The following ETS2 variants were observed in gnomAD, a reference collection of about 807,000 sequenced individuals.
ETS2 encodes ETS proto-oncogene 2, transcription factor.
Under a neutral mutation model 54.9 loss-of-function variants are expected in ETS2, and 19 were observed. That is an observed-to-expected ratio of 0.35 (90% CI 0.24 to 0.51). The LOEUF is 0.51. Ranked by LOEUF, ETS2 falls within the 20% of genes least tolerant of loss-of-function variation. The pLI is 0.97. For missense variants in ETS2, 417 were observed against 593.0 expected, an observed-to-expected ratio of 0.70 and a Z score of 3.08; for synonymous variants, 219 against 229.3, an observed-to-expected ratio of 0.95 and a Z score of 0.41.
chr21:38,805,504 C>T (rs1295596875), upstream of ETS2: 3 of 1,287,848 alleles, frequency 2.3e-6, no homozygotes, highest in Non-Finnish European at 3.0e-6. This position sits in a 1 kb window ranked among gnomAD's most constrained non-coding sequence, Gnocchi z 5.2. Flanking sequence ...AAAGTCTCCG[C>T]CCGGCTCCCA....
Position 38,819,701 on chromosome 21 carries a change from A to G in ETS2, c.1010A>G (p.Glu337Gly). 1 of 1,614,116 alleles carries G rather than the reference A, an allele frequency of 6.2e-7. No individual in the cohort carries two copies. Among genetic ancestry groups the G allele is most frequent in the African/African-American group, 1.3e-5 (1 of 75,036 alleles). The change falls in exon 8 of 10, where the codon GAG (glutamate) becomes GGG (glycine). Residue 337 changes from glutamate to glycine, a missense_variant. By Grantham distance (98) the Glu-to-Gly change is moderately conservative. Around this residue, in one of 3 missense-constraint regions of ETS2, gnomAD observed 326 missense variants for 426.1 expected, o/e 0.76. Coordinates refer to ENST00000360938, the MANE Select transcript of ETS2 (RefSeq NM_005239.6). Reference sequence around the variant, plus strand: ...ATGTCTTTCAAGGATTACATCCAAGAGAGGAGTGACCCAGTGGAGCAAGGC... The same window carrying G: ...ATGTCTTTCAAGGATTACATCCAAGGGAGGAGTGACCCAGTGGAGCAAGGC... ...PTMSFKDYIQERSDPVEQGKP... is the reference protein window; with the variant it reads ...PTMSFKDYIQGRSDPVEQGKP...
rs2060961382 is a variant in ETS2, at chr21:38,822,312, T to C, written c.1195-362T>C. Among the ~76,000 whole-genome samples, 3 of 152,290 alleles carry C rather than the reference T, an allele frequency of 2.0e-5. No homozygotes were observed. In the South Asian group the frequency reaches 6.2e-4, roughly 32 times the overall value. ...TATATCACACAGCTCAGAATCCCAC[T>C]CGGCACCTGTTAACTTCAGTAGTTG... On this transcript the variant is annotated intron_variant, in intron 9 of 9. Coordinates refer to ENST00000360938, the MANE Select transcript of ETS2 (RefSeq NM_005239.6).
At chr21:38,819,133 A>G (rs2060946987) in intron 7 of ETS2, among the ~76,000 whole-genome samples, 1 of 152,120 alleles carries the variant, frequency 6.6e-6, no homozygotes, top group African/African-American at 2.4e-5. Context: ...ATTACGGATT[A>G]GGTTTTGATT....
intron 9 of ETS2, 103 bp from the exon 10 acceptor site, chr21:38,822,571 C>G (rs1476097132): frequency 9.5e-7 from 1 of 1,055,172 alleles, no homozygotes; most frequent in African/African-American, 1.6e-5. Context: ...CAAGTTCTCT[C>G]TAGAGTGAAC....
Position 38,813,028 on chromosome 21 carries a change from A to C in ETS2, c.98A>C (p.Asp33Ala). ...CGCCAGCCAGCCTTTGACACCTTTG[A>C]TGGGTCCCTGTTTGCTGTTTTTCCT... ...LKRQPAFDTF[D>A]GSLFAVFPSL... The change falls in exon 3 of 10, where the codon GAT becomes GCT. Residue 33 changes from aspartate to alanine, a missense_variant. Physicochemically the swap from Asp to Ala is moderately radical, Grantham distance 126 (BLOSUM62 -2). Transcript: ENST00000360938. 1 of 1,613,880 alleles carries C rather than the reference A, an allele frequency of 6.2e-7. No individual in the cohort carries two copies. Among genetic ancestry groups the C allele is most frequent in the Non-Finnish European group, 8.5e-7 (1 of 1,179,842 alleles).
intron 9 of ETS2, 137 bp from the exon 10 acceptor site, chr21:38,822,537 C>T: frequency 1.4e-6 from 1 of 706,682 alleles, no homozygotes; most frequent in Non-Finnish European, 2.3e-6. Context: ...TCAAAAGGTC[C>T]TCCTGCGGAC....
intron 3 of ETS2, 31 bp downstream of exon 3, chr21:38,813,145 G>A: frequency 7.2e-7 from 1 of 1,382,014 alleles, no homozygotes. Flanking sequence ...GACAAATTGT[G>A]CATGATTTTC....
chr21:38,810,875 T>C (rs1239618048), intron 2 of ETS2, among the ~76,000 whole-genome samples: 1 of 152,222 alleles, frequency 6.6e-6, no homozygotes, highest in African/African-American at 2.4e-5. Flanking sequence ...TATATCATTA[T>C]TGAGGTTATT....
chr21:38,819,362 A>G (rs1428286370), intron 7 of ETS2, 141 bp from the exon 8 acceptor site: 2 of 689,092 alleles, frequency 2.9e-6, no homozygotes, highest in Non-Finnish European at 5.1e-6. Context: ...GCACCTGAGT[A>G]GAGAGCATTT....
At chr21:38,813,143 G>C (rs1272763181) in intron 3 of ETS2, 29 bp downstream of exon 3, 1 of 1,400,156 alleles carries the variant, frequency 7.1e-7, no homozygotes. Context: ...TTGACAAATT[G>C]TGCATGATTT....
chr21:38,808,867 C>T (rs1337478905), intron 1 of ETS2, among the ~76,000 whole-genome samples: 1 of 152,230 alleles, frequency 6.6e-6, no homozygotes. Flanking sequence ...CCTTCAGTTC[C>T]ATAGCCATGA....
upstream of ETS2, chr21:38,805,772 T>C: frequency 1.4e-6 from 1 of 704,316 alleles, no homozygotes; most frequent in Non-Finnish European, 1.9e-6. This position sits in a 1 kb window ranked among gnomAD's most constrained non-coding sequence, Gnocchi z 5.2. Flanking sequence ...CCTGCCTACC[T>C]CCCTTCCCCT....
intron 2 of ETS2, among the ~76,000 whole-genome samples, chr21:38,812,294 A>C (rs2060916769): frequency 6.6e-6 from 1 of 152,146 alleles, no homozygotes; most frequent in Non-Finnish European, 1.5e-5. Flanking sequence ...TTTTTCTTAC[A>C]CACACAGCCT....
In ETS2 at chr21:38,809,785, A is replaced by G. The variant is rs983746171; in HGVS notation, c.1-250A>G. 4 of 355,262 alleles carry G rather than the reference A, an allele frequency of 1.1e-5. No homozygotes were observed. The South Asian group carries it at 1.5e-4, about 13-fold the overall frequency. 22.0% of individuals were successfully genotyped at this position (355,262 alleles called of 1,614,324 possible). On this transcript the variant is annotated intron_variant, in intron 1 of 9. Coordinates refer to ENST00000360938, the MANE Select transcript of ETS2 (RefSeq NM_005239.6). ...GCAAGTGACTTTTTCTGTGACATCT[A>G]AGTGGAATTCAGTGAGGAATCAGCA...
rs1304082779 is a variant in ETS2 at position 38,824,908 on chromosome 21, T to A, written c.*2019T>A. ...ACAGATCTTAAGTATAAAAATTTTG[T>A]AATTGGGCCTTTACTCTCTCAATAA... On this transcript the variant is annotated 3_prime_UTR_variant, in exon 10 of 10. Coordinates refer to ENST00000360938, the MANE Select transcript of ETS2 (RefSeq NM_005239.6). The A allele has an allele frequency of 6.6e-6, 1 of 152,630 alleles. No individual in the cohort carries two copies. The highest frequency in any genetic ancestry group is 1.5e-5 in the Non-Finnish European group (1 of 68,046). The allele number at this position is 152,630 out of a possible 1,614,324, so 9.5% of individuals were successfully genotyped here. A position where few individuals can be genotyped will look rare whatever the true frequency, so the allele number is the denominator to read the frequency against.
chr21:38,809,730 C>CAAGGGCTCTGA (rs2060906766), intron 1 of ETS2: 2 of 279,884 alleles, frequency 7.1e-6, no homozygotes, highest in African/African-American at 2.3e-5. Flanking sequence ...GCCCTGCTAA[C>CAAGGGCTCTGA]CCAGCAAGGA....
chr21:38,809,650 T>C, intron 1 of ETS2: 1 of 196,704 alleles, frequency 5.1e-6, no homozygotes, highest in Admixed American at 6.4e-5. Context: ...ACTGCCCCAC[T>C]GTACCCACCC....
intron 5 of ETS2, among the ~76,000 whole-genome samples, chr21:38,815,901 C>T (rs1437430587): frequency 2.8e-5 from 4 of 143,706 alleles, no homozygotes; most frequent in Non-Finnish European, 1.5e-5. Flanking sequence ...GATCACACCA[C>T]TGCACTCCAG....
rs2060962314 is a variant in ETS2, at chr21:38,822,527, T to A, written c.1195-147T>A. Reference sequence around the variant, plus strand: ...GGTACTCAAAGGTACTCAGAGGTACTCAAAAGGTCCTCCTGCGGACCTTGT... The same window carrying A: ...GGTACTCAAAGGTACTCAGAGGTACACAAAAGGTCCTCCTGCGGACCTTGT... On this transcript the variant is annotated intron_variant, in intron 9 of 9. Coordinates refer to ENST00000360938, the MANE Select transcript of ETS2 (RefSeq NM_005239.6). The A allele has an allele frequency of 9.1e-6, 6 of 656,484 alleles. No homozygotes were observed. In the African/African-American group the frequency reaches 1.1e-4, roughly 12 times the overall value. 40.7% of individuals were successfully genotyped at this position (656,484 alleles called of 1,614,324 possible).
Sources: allele counts gnomAD v4.1 joint callset (sites outside exome capture counted in the v4.1 genomes callset), GRCh38; gene constraint gnomAD v4.1.1; regional missense constraint gnomAD v4.1.1; non-coding constraint Gnocchi (gnomAD v3.1); transcripts MANE v1.5; gene names NCBI Gene and HGNC (gene_info 2026-07-23, HGNC 2026-07-21).